Variants in ZNF503 observed in about 807,000 individuals in gnomAD.
ZNF503 encodes zinc finger protein 503.
Under a neutral mutation model 34.4 loss-of-function variants are expected in ZNF503, and 15 were observed. The ratio of observed to expected loss-of-function variants is 0.44; its 90% confidence interval spans 0.29 to 0.67. ZNF503 has a LOEUF of 0.67. Among genes scored for constraint, ZNF503 ranks in the 30% least tolerant of loss-of-function variants. ZNF503 has a pLI of 0.13. For missense variants in ZNF503, 1,007 were observed against 926.8 expected (o/e 1.09, Z -1.12); for synonymous variants, 580 against 456.8 (o/e 1.27, Z -3.44).
At chr10:75,330,234 T>C in the ZNF503 span, among the ~76,000 whole-genome samples, 43 of 152,330 alleles carry the variant, frequency 2.8e-4, no homozygotes, top group East Asian at 4.6e-3. Context: ...GATCTTTTTA[T>C]TGGGCTGCTG....
chr10:75,333,918 G>T, the ZNF503 span, among the ~76,000 whole-genome samples: 1 of 49,124 alleles, frequency 2.0e-5, no homozygotes, highest in Admixed American at 1.4e-4. Context: ...GGGCAGAGGC[G>T]CTCCCCACAT....
At chr10:75,306,210 G>A in the ZNF503 span, among the ~76,000 whole-genome samples, 21,139 of 152,048 alleles carry the variant, frequency 0.14, 1,922 homozygotes, top group Non-Finnish European at 0.2. Flanking sequence ...TTAATTTTCT[G>A]GATTTTAAAA....
chr10:75,331,166 C>T, the ZNF503 span, among the ~76,000 whole-genome samples: 1 of 152,198 alleles, frequency 6.6e-6, no homozygotes, highest in African/African-American at 2.4e-5. Context: ...AGAAAAGACA[C>T]TTGATATGAT....
At position 75,398,387 on chromosome 10, in the gene ZNF503, C is replaced by T. The variant is rs138647935; in HGVS notation, c.*362G>A. On this transcript the variant is annotated 3_prime_UTR_variant, in exon 2 of 2. Coordinates refer to ENST00000372524, the MANE Select transcript of ZNF503 (RefSeq NM_032772.6). ...CCTACAGAGCTCAAACTAAATAATGCACTTTTGAACCACCGGTCCGCTTGG... is the reference window on the plus strand; with the variant it reads ...CCTACAGAGCTCAAACTAAATAATGTACTTTTGAACCACCGGTCCGCTTGG... The T allele has an allele frequency of 6.6e-5, 12 of 182,950 alleles. No individual in the cohort carries two copies. In the East Asian group the frequency reaches 1.5e-3, roughly 23 times the overall value. The allele number at this position is 182,950 out of a possible 1,614,324, so 11.3% of individuals were successfully genotyped here.
the ZNF503 span, among the ~76,000 whole-genome samples, chr10:75,330,335 G>A: frequency 0.29 from 44,807 of 152,090 alleles, 7,257 homozygotes; most frequent in South Asian, 0.41. Context: ...TCTTTGTCTG[G>A]TTTTGGTGTC....
chr10:75,298,485 T>A, the ZNF503 span, among the ~76,000 whole-genome samples: 1 of 152,268 alleles, frequency 6.6e-6, no homozygotes, highest in Non-Finnish European at 1.5e-5. Flanking sequence ...TCACTCAGTA[T>A]AATGTTTTCA....
At chr10:75,351,206 CCT>C in the ZNF503 span, among the ~76,000 whole-genome samples, 1 of 151,730 alleles carries the variant, frequency 6.6e-6, no homozygotes, top group Non-Finnish European at 1.5e-5. Context: ...GGAGTCTCCC[CCT>C]GTCACCAAGG....
At chr10:75,372,942 T>C in the ZNF503 span, among the ~76,000 whole-genome samples, 2 of 152,140 alleles carry the variant, frequency 1.3e-5, no homozygotes. Flanking sequence ...TACATCCCTG[T>C]ATCCTTGAGA....
the ZNF503 span, among the ~76,000 whole-genome samples, chr10:75,314,236 CAAAAAAA>C: frequency 2.2e-5 from 2 of 89,808 alleles, no homozygotes; most frequent in African/African-American, 8.1e-5. Context: ...GACTCCGTCT[CAAAAAAA>C]AAAAAAAAAA....
the ZNF503 span, among the ~76,000 whole-genome samples, chr10:75,308,867 G>A: frequency 7.2e-5 from 11 of 151,864 alleles, no homozygotes; most frequent in South Asian, 1.7e-3. Flanking sequence ...TTGAGATGGG[G>A]GTCTCACTCC....
chr10:75,356,274 T>C, the ZNF503 span, among the ~76,000 whole-genome samples: 1 of 152,206 alleles, frequency 6.6e-6, no homozygotes, highest in African/African-American at 2.4e-5. Flanking sequence ...TGGAGTGCAG[T>C]GGCGCAATCT....
At chr10:75,328,213 G>C in the ZNF503 span, among the ~76,000 whole-genome samples, 1 of 152,024 alleles carries the variant, frequency 6.6e-6, no homozygotes, top group Non-Finnish European at 1.5e-5. Context: ...TTTTCTTCTA[G>C]TAGTTTCATC....
chr10:75,330,149 A>G, the ZNF503 span, among the ~76,000 whole-genome samples: 2 of 152,170 alleles, frequency 1.3e-5, no homozygotes, highest in Non-Finnish European at 2.9e-5. Flanking sequence ...GATGTGATGT[A>G]CCACATTTAT....
chr10:75,329,442 T>C, the ZNF503 span, among the ~76,000 whole-genome samples: 700 of 128,018 alleles, frequency 5.5e-3, 14 homozygotes, highest in African/African-American at 0.02. Flanking sequence ...TTCCTTTCTT[T>C]CTTTCTTTCT....
chr10:75,281,978 A>G, the ZNF503 span, among the ~76,000 whole-genome samples: 1 of 152,248 alleles, frequency 6.6e-6, no homozygotes, highest in Non-Finnish European at 1.5e-5. Context: ...GGTCTCTTCC[A>G]TCAGACCAAG....
chr10:75,334,529 A>G, the ZNF503 span, among the ~76,000 whole-genome samples: 1 of 152,220 alleles, frequency 6.6e-6, no homozygotes, highest in African/African-American at 2.4e-5. Context: ...TCTAGATAAC[A>G]CTTTCTTCCT....
chr10:75,323,663 A>G, the ZNF503 span, among the ~76,000 whole-genome samples: 6 of 151,984 alleles, frequency 3.9e-5, no homozygotes, highest in South Asian at 1.2e-3. Flanking sequence ...CCCTCCATAT[A>G]TTTTCTTTGG....
At chr10:75,337,390 C>T in the ZNF503 span, among the ~76,000 whole-genome samples, 6 of 150,856 alleles carry the variant, frequency 4.0e-5, no homozygotes, top group South Asian at 2.1e-4. Context: ...TTTGGGAGGT[C>T]GAGGTGGGCG....
At chr10:75,354,096 C>G in the ZNF503 span, among the ~76,000 whole-genome samples, 1 of 152,204 alleles carries the variant, frequency 6.6e-6, no homozygotes, top group South Asian at 2.1e-4. Context: ...TCTGGGTGAA[C>G]AGCAGTTCTA....
Sources: gnomAD v4.1 joint callset for allele counts (sites outside exome capture counted in the v4.1 genomes callset) on GRCh38, gnomAD v4.1.1 for gene constraint, MANE v1.5 for transcripts, NCBI Gene and HGNC (gene_info 2026-07-23, HGNC 2026-07-21) for gene names.